The following ZFP64 variants were observed in gnomAD, a reference collection of about 807,000 sequenced individuals.
The protein encoded by ZFP64 is ZFP64 zinc finger protein.
ZFP64 carries 14 observed loss-of-function variants against 51.6 expected under a neutral mutation model. That is an observed-to-expected ratio of 0.27 (90% CI 0.18 to 0.42). The LOEUF is 0.42. ZFP64 is among the 10% of genes least tolerant of loss of function. The pLI, the probability that ZFP64 is intolerant of heterozygous loss-of-function variation, is 1.00. For missense variants in ZFP64, 754 were observed against 906.8 expected, an observed-to-expected ratio of 0.83 and a Z score of 2.16; for synonymous variants, 375 against 361.4, an observed-to-expected ratio of 1.04 and a Z score of -0.43.
Position 52,110,424 on chromosome 20 carries a change from CG to C in ZFP64, c.764-11838del, listed in dbSNP as rs952842378. The C allele has an allele frequency of 1.7e-5, 10 of 597,176 alleles. No homozygotes were observed. The African/African-American group carries it at 1.9e-4, about 11-fold the overall frequency. The allele number at this position is 597,176 out of a possible 1,614,324, so 37.0% of individuals were successfully genotyped here. A position where few individuals can be genotyped will look rare whatever the true frequency, so the allele number is the denominator to read the frequency against. On this transcript the variant is annotated intron_variant, in intron 5 of 8. Transcript: ENST00000361387. ...CTCTTCTGGAGCTCCTCCTTCTTCC[CG>C]TCACTCAACTTGTTCTCAATCAGCC...
At chr20:52,105,447 C>A in intron 5 of ZFP64, 1 of 1,049,688 alleles carries the variant, frequency 9.5e-7, no homozygotes. Context: ...GCGGTCCGCT[C>A]CCGGGCAGCC....
chr20:52,103,640 C>A (rs1370362456), intron 5 of ZFP64, among the ~76,000 whole-genome samples: 1 of 152,164 alleles, frequency 6.6e-6, no homozygotes, highest in African/African-American at 2.4e-5. Context: ...GGTTACTCAG[C>A]AATTCTCTTC....
intron 5 of ZFP64, chr20:52,104,626 G>A (rs1204776398): frequency 3.7e-5 from 17 of 461,784 alleles, no homozygotes; most frequent in Admixed American, 1.4e-4. Context: ...CTGTTCCCTC[G>A]GCCTGGAATG....
chr20:52,168,422 C>T (rs1225644663), intron 2 of ZFP64, among the ~76,000 whole-genome samples: 2 of 152,150 alleles, frequency 1.3e-5, no homozygotes, highest in Admixed American at 6.5e-5. Context: ...AAGCATGGTC[C>T]CCAGACAGCA....
Position 52,160,473 on chromosome 20 carries a change from C to T in ZFP64, c.512-99G>A, listed in dbSNP as rs952416986. The T allele has an allele frequency of 3.4e-6, 5 of 1,471,700 alleles. No individual in the cohort carries two copies. The highest frequency in any genetic ancestry group is 2.3e-5 in the Admixed American group (1 of 43,316). 91.2% of individuals were successfully genotyped at this position (1,471,700 alleles called of 1,614,324 possible). A position where few individuals can be genotyped will look rare whatever the true frequency, so the allele number is the denominator to read the frequency against. Reference sequence around the variant, plus strand: ...TTACGAAAAAAGTCATATACAACCACCGAAGAATATTCCAAAAACCCTAAA... The same window carrying T: ...TTACGAAAAAAGTCATATACAACCATCGAAGAATATTCCAAAAACCCTAAA... On this transcript the variant is annotated intron_variant, in intron 4 of 5. Transcript: ENST00000216923. The surrounding 1 kb of genome is among the most constrained non-coding windows in gnomAD (Gnocchi z 4.2).
chr20:52,131,080 T>A (rs1979701553), intron 5 of ZFP64, among the ~76,000 whole-genome samples: 1 of 134,966 alleles, frequency 7.4e-6, no homozygotes, highest in Admixed American at 7.6e-5. Flanking sequence ...ATAAGAATAA[T>A]AATAAAATAA....
At chr20:52,147,351 A>G (rs1980575332), downstream of ZFP64, among the ~76,000 whole-genome samples, 2 of 152,132 alleles carry the variant, frequency 1.3e-5, no homozygotes, top group African/African-American at 4.8e-5. Flanking sequence ...TGACCTAAGT[A>G]CCATAAAAAC....
At chr20:52,098,600 C>T in intron 5 of ZFP64, 2 of 1,613,970 alleles carry the variant, frequency 1.2e-6, no homozygotes, top group East Asian at 2.2e-5. Context: ...GAAATTGAGG[C>T]ATAGTTTTGC....
At chr20:52,126,444 C>T (rs966577436) in intron 5 of ZFP64, among the ~76,000 whole-genome samples, 1 of 152,126 alleles carries the variant, frequency 6.6e-6, no homozygotes, top group Non-Finnish European at 1.5e-5. Flanking sequence ...AAAACTACAA[C>T]TCAGGCTTAA....
chr20:52,180,044 T>C (rs1467424203), intron 2 of ZFP64, among the ~76,000 whole-genome samples: 3 of 152,246 alleles, frequency 2.0e-5, no homozygotes, highest in African/African-American at 7.2e-5. Context: ...AGATGTGGTA[T>C]TGTTTTTGTC....
At chr20:52,163,630 G>A (rs1216162023) in intron 4 of ZFP64, among the ~76,000 whole-genome samples, 2 of 152,216 alleles carry the variant, frequency 1.3e-5, no homozygotes, top group Non-Finnish European at 2.9e-5. Context: ...GCCAAGGAAT[G>A]TAAGAAATAA....
At chr20:52,129,420 A>G (rs988384343) in intron 5 of ZFP64, among the ~76,000 whole-genome samples, 1 of 151,860 alleles carries the variant, frequency 6.6e-6, no homozygotes, top group Non-Finnish European at 1.5e-5. Context: ...GGGCCTCCCA[A>G]AATGCTAGGA....
At chr20:52,088,351 A>G in intron 8 of ZFP64, 1 of 1,599,086 alleles carries the variant, frequency 6.3e-7, no homozygotes, top group East Asian at 2.2e-5. Context: ...AAGAAATTAG[A>G]GAAAAAGTAA....
intron 5 of ZFP64, among the ~76,000 whole-genome samples, chr20:52,104,450 C>A (rs2079088047): frequency 6.6e-6 from 1 of 152,216 alleles, no homozygotes; most frequent in Admixed American, 6.5e-5. Flanking sequence ...GCGACAGCAT[C>A]ACTGCTCTAT....
At chr20:52,095,349 C>T (rs1355128081) in intron 7 of ZFP64, among the ~76,000 whole-genome samples, 1 of 152,158 alleles carries the variant, frequency 6.6e-6, no homozygotes, top group East Asian at 1.9e-4. Context: ...AGAGCTGCAC[C>T]CTTGGGATGA....
intron 2 of ZFP64, among the ~76,000 whole-genome samples, chr20:52,171,076 A>G (rs922853652): frequency 1.3e-5 from 2 of 152,262 alleles, no homozygotes; most frequent in African/African-American, 4.8e-5. Context: ...GCAGGTGTCC[A>G]GAATTCAATA....
At chr20:52,165,586 C>A in intron 3 of ZFP64, 1 of 608,492 alleles carries the variant, frequency 1.6e-6, no homozygotes. Flanking sequence ...TCTTCCTAAG[C>A]TATAGCATAG....
chr20:52,133,848 G>T (rs1979840464), intron 5 of ZFP64, among the ~76,000 whole-genome samples: 1 of 151,950 alleles, frequency 6.6e-6, no homozygotes, highest in African/African-American at 2.4e-5. Context: ...GGGCAACATT[G>T]TAAGACCCTG....
chr20:52,093,089 A>G (rs1363647953), intron 7 of ZFP64, among the ~76,000 whole-genome samples: 2 of 152,064 alleles, frequency 1.3e-5, no homozygotes, highest in African/African-American at 4.8e-5. Flanking sequence ...GGTTCCTCAC[A>G]CTTGTTTCTC....
Sources: allele counts gnomAD v4.1 joint callset (sites outside exome capture counted in the v4.1 genomes callset), GRCh38; gene constraint gnomAD v4.1.1; non-coding constraint Gnocchi (gnomAD v3.1); transcripts MANE v1.5; gene names NCBI Gene and HGNC (gene_info 2026-07-23, HGNC 2026-07-21).